Variants in SLC25A13 observed in about 807,000 individuals in gnomAD.
The protein encoded by SLC25A13 is electrogenic aspartate/glutamate antiporter SLC25A13, mitochondrial.
Under a neutral mutation model 85.5 loss-of-function variants are expected in SLC25A13, and 70 were observed. That is an observed-to-expected ratio of 0.82 (90% CI 0.68 to 1.00). SLC25A13 has a LOEUF of 1.00. Among genes scored for constraint, SLC25A13 ranks in the 50% least tolerant of loss-of-function variants. The pLI is 0.00. For synonymous variants in SLC25A13, 259 were observed against 288.7 expected, an observed-to-expected ratio of 0.90 and a Z score of 1.04; for missense variants, 765 against 819.8, an observed-to-expected ratio of 0.93 and a Z score of 0.82.
intron 4 of SLC25A13, among the ~76,000 whole-genome samples, chr7:96,209,418 TA>T (rs1795605596): frequency 1.3e-5 from 2 of 151,380 alleles, no homozygotes; most frequent in African/African-American, 4.9e-5. Flanking sequence ...TTTAACAAGT[TA>T]TTTAAAAGTT....
At chr7:96,307,954 C>G (rs1799814496) in intron 1 of SLC25A13, among the ~76,000 whole-genome samples, 1 of 151,934 alleles carries the variant, frequency 6.6e-6, no homozygotes, top group Admixed American at 6.5e-5. Context: ...GAGTTCAAGA[C>G]CAGCCTGACC....
intron 3 of SLC25A13, among the ~76,000 whole-genome samples, chr7:96,240,621 A>G (rs988654454): frequency 2.6e-5 from 4 of 151,866 alleles, no homozygotes; most frequent in Admixed American, 2.0e-4. Context: ...GCTCATGTCT[A>G]TAATTCCAGC....
At chr7:96,122,210 T>C (rs1206620279) in intron 15 of SLC25A13, among the ~76,000 whole-genome samples, 7 of 152,214 alleles carry the variant, frequency 4.6e-5, no homozygotes, top group African/African-American at 1.7e-4. Flanking sequence ...CACCTTCCCT[T>C]GCCCAAATCA....
intron 3 of SLC25A13, among the ~76,000 whole-genome samples, chr7:96,274,600 T>C (rs1012896073): frequency 2.0e-5 from 3 of 152,304 alleles, no homozygotes; most frequent in Non-Finnish European, 4.4e-5. Context: ...ATGTCCTGAA[T>C]GGTATTGCCT....
rs1022670250 is a variant in SLC25A13 at position 96,160,392 on chromosome 7, G to C, written c.1311+9653C>G. Among the ~76,000 whole-genome samples the C allele has an allele frequency of 2.0e-5, 3 of 152,330 alleles. 1 individual carries two copies. In the Middle Eastern group the frequency reaches 0.01, roughly 518 times the overall value. On this transcript the variant is annotated intron_variant, in intron 13 of 17. Transcript: ENST00000265631. Reference sequence around the variant, plus strand: ...TTAGCCAGGGAGGCTATCCTTAACTGTCTTAGTCTGTTCGGGCTTCTGTAA... The same window carrying C: ...TTAGCCAGGGAGGCTATCCTTAACTCTCTTAGTCTGTTCGGGCTTCTGTAA...
intron 2 of SLC25A13, among the ~76,000 whole-genome samples, chr7:96,288,449 T>C (rs1208298176): frequency 6.6e-6 from 1 of 152,086 alleles, no homozygotes; most frequent in Non-Finnish European, 1.5e-5. Flanking sequence ...GCCCACCAAG[T>C]GTGAGCCGAA....
intron 1 of SLC25A13, among the ~76,000 whole-genome samples, chr7:96,313,241 A>G (rs780418697): frequency 6.6e-6 from 1 of 152,140 alleles, no homozygotes; most frequent in Non-Finnish European, 1.5e-5. Flanking sequence ...CAGGAACTGG[A>G]GGGAGGAGAC....
At chr7:96,128,490 A>G (rs1791827350) in intron 15 of SLC25A13, among the ~76,000 whole-genome samples, 1 of 152,180 alleles carries the variant, frequency 6.6e-6, no homozygotes, top group Admixed American at 6.5e-5. Context: ...ATACACAAAG[A>G]CCATCAAGCT....
At chr7:96,192,675 A>T (rs1471285952) in intron 6 of SLC25A13, among the ~76,000 whole-genome samples, 1 of 93,068 alleles carries the variant, frequency 1.1e-5, no homozygotes, top group Non-Finnish European at 2.2e-5. Flanking sequence ...AATGATATAC[A>T]TGTGCACTAT....
rs1288307038 is a variant in SLC25A13, at chr7:96,191,254, T to C, written c.616-7A>G. The C allele has an allele frequency of 6.2e-7, 1 of 1,613,614 alleles. No homozygotes were observed. The highest frequency in any genetic ancestry group is 1.1e-5 in the South Asian group (1 of 91,064). On this transcript the variant is annotated splice_region_variant and splice_polypyrimidine_tract_variant and intron_variant, in intron 6 of 17. Coordinates refer to ENST00000265631, the MANE Select transcript of SLC25A13 (RefSeq NM_014251.3). ...ATGTGGTACCTCCAGCAGCCTCAAA[T>C]AAATTGAAAACAAGAGAGAAGAAAA...
chr7:96,251,046 G>A (rs1052124620), intron 3 of SLC25A13, among the ~76,000 whole-genome samples: 2 of 151,606 alleles, frequency 1.3e-5, no homozygotes, highest in African/African-American at 4.8e-5. Flanking sequence ...GGAAAGAGGA[G>A]GAGACAAAAA....
chr7:96,251,699 G>A (rs147286522), intron 3 of SLC25A13, among the ~76,000 whole-genome samples: 22 of 152,280 alleles, frequency 1.4e-4, no homozygotes, highest in African/African-American at 4.1e-4. Flanking sequence ...TGATTGAGTC[G>A]TACTATTTTC....
Position 96,121,821 on chromosome 7 carries a change from A to G in SLC25A13, c.1750+18T>C. 1.2e-6 allele frequency: 2 copies of G among 1,614,200 alleles called. No homozygotes were observed. Among genetic ancestry groups the G allele is most frequent in the Non-Finnish European group, 1.7e-6 (2 of 1,180,030 alleles). ...ACCTGATACCAAAGAGTTAGTTAAGAACACATTATTTCCATACCACCAGCT... is the reference window on the plus strand; with the variant it reads ...ACCTGATACCAAAGAGTTAGTTAAGGACACATTATTTCCATACCACCAGCT... On this transcript the variant is annotated intron_variant, in intron 16 of 17. Transcript: ENST00000265631.
At chr7:96,312,862 C>A (rs1175243589) in intron 1 of SLC25A13, among the ~76,000 whole-genome samples, 1 of 152,180 alleles carries the variant, frequency 6.6e-6, no homozygotes, top group Non-Finnish European at 1.5e-5. Context: ...TGAATTTGAA[C>A]AGAGAAGATA....
intron 9 of SLC25A13, among the ~76,000 whole-genome samples, chr7:96,187,243 T>C (rs1794675588): frequency 6.6e-6 from 1 of 152,200 alleles, no homozygotes; most frequent in South Asian, 2.1e-4. Flanking sequence ...TTTTTCAGAA[T>C]CCATGATAAT....
At chr7:96,221,217 T>G (rs1292761937) in intron 4 of SLC25A13, among the ~76,000 whole-genome samples, 1 of 152,144 alleles carries the variant, frequency 6.6e-6, no homozygotes, top group Non-Finnish European at 1.5e-5. Context: ...GTCTCTAGGA[T>G]CTCTGAAAAG....
intron 4 of SLC25A13, among the ~76,000 whole-genome samples, chr7:96,216,696 G>C (rs1466832749): frequency 6.6e-6 from 1 of 152,096 alleles, no homozygotes; most frequent in Non-Finnish European, 1.5e-5. Flanking sequence ...GAGCTAAATG[G>C]TGAGAACACA....
chr7:96,191,334 A>G, intron 6 of SLC25A13, 87 bp from the exon 7 acceptor site: 1 of 1,375,196 alleles, frequency 7.3e-7, no homozygotes, highest in Non-Finnish European at 1.0e-6. Context: ...AACTAGTTTG[A>G]AAGTAATCAA....
chr7:96,233,205 C>A (rs1358018150), intron 4 of SLC25A13, among the ~76,000 whole-genome samples: 2 of 152,204 alleles, frequency 1.3e-5, no homozygotes, highest in African/African-American at 4.8e-5. Context: ...CACACCTATG[C>A]TGAACATGCT....
Sources: gnomAD v4.1 joint callset for allele counts (sites outside exome capture counted in the v4.1 genomes callset) on GRCh38, gnomAD v4.1.1 for gene constraint, MANE v1.5 for transcripts, NCBI Gene and HGNC (gene_info 2026-07-23, HGNC 2026-07-21) for gene names.